The following RAB11FIP4 variants were observed in gnomAD, a reference collection of about 807,000 sequenced individuals.
The protein encoded by RAB11FIP4 is rab11 family-interacting protein 4.
Under a neutral mutation model 74.3 loss-of-function variants are expected in RAB11FIP4, and 23 were observed. The observed-to-expected ratio is 0.31, with a 90% confidence interval of 0.22 to 0.44. The LOEUF (loss-of-function observed/expected upper bound fraction) is 0.44, where lower values mean the gene tolerates loss of function less well. Ranked by LOEUF, RAB11FIP4 falls within the 20% of genes least tolerant of loss-of-function variation. RAB11FIP4 has a pLI of 1.00. For synonymous variants in RAB11FIP4, 360 were observed against 359.9 expected, an observed-to-expected ratio of 1.00 and a Z score of 0.00; for missense variants, 630 against 863.9, an observed-to-expected ratio of 0.73 and a Z score of 3.39.
chr17:31,488,118 A>C (rs1216361392), intron 3 of RAB11FIP4: 2 of 1,026,962 alleles, frequency 1.9e-6, no homozygotes, highest in African/African-American at 3.5e-5. Flanking sequence ...ACTGGTGCCC[A>C]GAAGTGCGAG....
At chr17:31,464,887 A>G (rs528936834) in intron 3 of RAB11FIP4, among the ~76,000 whole-genome samples, 16 of 148,430 alleles carry the variant, frequency 1.1e-4, no homozygotes, top group African/African-American at 3.7e-4. Flanking sequence ...CAGCCTTCCT[A>G]GTAGCAGGAA....
At chr17:31,530,081 G>T (rs942227313) in intron 13 of RAB11FIP4, among the ~76,000 whole-genome samples, 3 of 152,248 alleles carry the variant, frequency 2.0e-5, no homozygotes, top group Non-Finnish European at 4.4e-5. Context: ...GCTGAGCAGG[G>T]CTGTAACTCC....
intron 1 of RAB11FIP4, among the ~76,000 whole-genome samples, chr17:31,401,042 G>T (rs538824427): frequency 2.5e-4 from 38 of 152,314 alleles, no homozygotes; most frequent in African/African-American, 8.4e-4. Context: ...GCCAAGGCAG[G>T]CAGATCACGA....
chr17:31,392,103 C>T, intron 1 of RAB11FIP4, 92 bp downstream of exon 1: 1 of 1,020,484 alleles, frequency 9.8e-7, no homozygotes, highest in Non-Finnish European at 1.2e-6. Flanking sequence ...CCCGCGTGGC[C>T]CGAGGCGGTG....
At chr17:31,400,991 G>A (rs1405356379) in intron 1 of RAB11FIP4, among the ~76,000 whole-genome samples, 1 of 152,148 alleles carries the variant, frequency 6.6e-6, no homozygotes, top group African/African-American at 2.4e-5. Context: ...AGGCTTGGCC[G>A]GGAGCGGTGG....
At chr17:31,499,650 T>C (rs1473318015) in intron 3 of RAB11FIP4, among the ~76,000 whole-genome samples, 2 of 152,168 alleles carry the variant, frequency 1.3e-5, no homozygotes, top group Non-Finnish European at 2.9e-5. Flanking sequence ...CCACCGCACC[T>C]GGCCACATTT....
At chr17:31,436,075 C>G (rs1481838933) in intron 3 of RAB11FIP4, among the ~76,000 whole-genome samples, 1 of 152,130 alleles carries the variant, frequency 6.6e-6, no homozygotes, top group African/African-American at 2.4e-5. Context: ...GGGGCCCTTC[C>G]TGGATTGCTG....
chr17:31,532,796 C>T lies in RAB11FIP4; in HGVS notation c.*1064C>T, dbSNP rs1277153675. ...TTCGTTCCAGCGTTTAGAAACACAC[C>T]TGTATTTGATTCTCAGCCAGGGGAG... On this transcript the variant is annotated 3_prime_UTR_variant, in exon 15 of 15. Coordinates refer to ENST00000621161, the MANE Select transcript of RAB11FIP4 (RefSeq NM_032932.6). 6.6e-6 allele frequency: 1 copy of T among 152,182 alleles called. No individual in the cohort carries two copies. Among genetic ancestry groups the T allele is most frequent in the Admixed American group, 6.5e-5 (1 of 15,276 alleles). 9.4% of individuals were successfully genotyped at this position (152,182 alleles called of 1,614,324 possible).
In RAB11FIP4 at chr17:31,501,823, A is replaced by AT. The variant is rs781129475; in HGVS notation, c.337-15826dup. 3.0e-5 allele frequency: 5 copies of AT among 167,742 alleles called. 1 individual carries two copies. The South Asian group carries it at 5.7e-4, about 19-fold the overall frequency. The allele number at this position is 167,742 out of a possible 1,614,324, so 10.4% of individuals were successfully genotyped here. On this transcript the variant is annotated intron_variant, in intron 3 of 14. Transcript: ENST00000621161. ...GCACCCAGCCCATCCCACGCAATTT[A>AT]TTAAGTACTATGCTGAAAGTGAAAG...
intron 1 of RAB11FIP4, among the ~76,000 whole-genome samples, chr17:31,396,630 T>C (rs1043657705): frequency 5.9e-5 from 9 of 152,172 alleles, no homozygotes; most frequent in African/African-American, 2.2e-4. Context: ...GGCACCGGCC[T>C]CTGTGTGCTC....
rs2072462490 is a variant in RAB11FIP4, at chr17:31,512,109, C to T, written c.337-5542C>T. Among the ~76,000 whole-genome samples the T allele has an allele frequency of 6.6e-6, 1 of 152,204 alleles. No homozygotes were observed. Among genetic ancestry groups the T allele is most frequent in the African/African-American group, 2.4e-5 (1 of 41,454 alleles). Reference sequence around the variant, plus strand: ...TTCTCTGAGGAGGGTGGGCGTCCCTCCTGGCTGCTCGTCTGTCCAGGACAT... The same window carrying T: ...TTCTCTGAGGAGGGTGGGCGTCCCTTCTGGCTGCTCGTCTGTCCAGGACAT... On this transcript the variant is annotated intron_variant, in intron 3 of 14. Coordinates refer to ENST00000621161, the MANE Select transcript of RAB11FIP4 (RefSeq NM_032932.6). This position sits in a 1 kb window ranked among gnomAD's most constrained non-coding sequence, Gnocchi z 4.1.
At chr17:31,524,043 C>A in intron 9 of RAB11FIP4, 47 bp downstream of exon 9, 1 of 1,394,436 alleles carries the variant, frequency 7.2e-7, no homozygotes, top group Non-Finnish European at 1.0e-6. Flanking sequence ...CGCTGGGGAA[C>A]AAAGGGGGGT....
chr17:31,431,140 G>A (rs1488319134), intron 1 of RAB11FIP4, among the ~76,000 whole-genome samples: 1 of 152,202 alleles, frequency 6.6e-6, no homozygotes, highest in Non-Finnish European at 1.5e-5. Flanking sequence ...GGGTGGTGAA[G>A]TAAATTATGA....
chr17:31,531,827 C>A lies in RAB11FIP4; in HGVS notation c.*95C>A. ...GCCTAAGCCGGGCCTCACACTCACA[C>A]TGTAAATGTCTCTCTGGCCACCATG... On this transcript the variant is annotated 3_prime_UTR_variant, in exon 15 of 15. Coordinates refer to ENST00000621161, the MANE Select transcript of RAB11FIP4 (RefSeq NM_032932.6). The A allele has an allele frequency of 1.3e-6, 1 of 771,480 alleles. No individual in the cohort carries two copies. The highest frequency in any genetic ancestry group is 2.2e-6 in the Non-Finnish European group (1 of 445,276). 47.8% of individuals were successfully genotyped at this position (771,480 alleles called of 1,614,324 possible). A position where few individuals can be genotyped will look rare whatever the true frequency, so the allele number is the denominator to read the frequency against.
At chr17:31,417,086 G>A (rs2071155114) in intron 1 of RAB11FIP4, among the ~76,000 whole-genome samples, 1 of 144,022 alleles carries the variant, frequency 6.9e-6, no homozygotes, top group Non-Finnish European at 1.5e-5. Flanking sequence ...TCCCTCTCCT[G>A]TTCCCTCTTG....
intron 3 of RAB11FIP4, among the ~76,000 whole-genome samples, chr17:31,489,067 G>A (rs574156456): frequency 6.6e-6 from 1 of 152,332 alleles, no homozygotes; most frequent in African/African-American, 2.4e-5. Context: ...CTCGCCCCGA[G>A]GGCCATGCCA....
At chr17:31,466,069 G>A (rs1413817160) in intron 3 of RAB11FIP4, among the ~76,000 whole-genome samples, 1 of 151,890 alleles carries the variant, frequency 6.6e-6, no homozygotes, top group South Asian at 2.1e-4. Context: ...GCTTGAACCC[G>A]GGAGGCGGAG....
intron 2 of RAB11FIP4, among the ~76,000 whole-genome samples, chr17:31,432,852 G>A (rs909311354): frequency 2.6e-5 from 4 of 152,176 alleles, no homozygotes; most frequent in Admixed American, 1.3e-4. Flanking sequence ...GGCCAGGCAC[G>A]GTGGCTCACA....
At chr17:31,480,971 G>A (rs1249739594) in intron 3 of RAB11FIP4, among the ~76,000 whole-genome samples, 1 of 152,050 alleles carries the variant, frequency 6.6e-6, no homozygotes, top group African/African-American at 2.4e-5. Flanking sequence ...AATCAACCAA[G>A]ACTTGGTACT....
Sources: gnomAD v4.1 joint callset for allele counts (sites outside exome capture counted in the v4.1 genomes callset) on GRCh38, gnomAD v4.1.1 for gene constraint, Gnocchi (gnomAD v3.1) non-coding constraint, MANE v1.5 for transcripts, NCBI Gene and HGNC (gene_info 2026-07-23, HGNC 2026-07-21) for gene names.